Variants in KIF24 observed in about 807,000 individuals in gnomAD.
KIF24 encodes kinesin family member 24.
Under a neutral mutation model 118.9 loss-of-function variants are expected in KIF24, and 81 were observed. The observed-to-expected ratio is 0.68, with a 90% confidence interval of 0.57 to 0.82. The LOEUF (loss-of-function observed/expected upper bound fraction) is 0.82, where lower values mean the gene tolerates loss of function less well. KIF24 is among the 40% of genes least tolerant of loss of function. KIF24 has a pLI of 0.00. For synonymous variants in KIF24, 599 were observed against 610.0 expected (o/e 0.98, Z 0.27); for missense variants, 1,560 against 1,661.6 (o/e 0.94, Z 1.06).
Position 34,290,368 on chromosome 9 carries a change from A to G in KIF24, c.933T>C (p.Ala311=), listed in dbSNP as rs759929355. The G allele has an allele frequency of 8.1e-6, 13 of 1,610,558 alleles. No homozygotes were observed. The highest frequency in any genetic ancestry group is 1.0e-5 in the Non-Finnish European group (12 of 1,176,996). The change falls in exon 5 of 13, where the codon GCT becomes GCC. Residue 311 remains alanine, a synonymous_variant. Coordinates refer to ENST00000402558, the MANE Select transcript of KIF24 (RefSeq NM_194313.4). ...IFNGGNATCF[A]YGQTGAGKTY... is the part of the protein sequence containing the mutation. ...TCTTTCCAGCACCTGTCTGTCCATA[A>G]GCAAAGCAAGTGGCATTGCCTCTGG...
Position 34,318,633 on chromosome 9 carries a change from C to A in KIF24, c.-25-7262G>T. 1 of 1,530,140 alleles carries A rather than the reference C, an allele frequency of 6.5e-7. No homozygotes were observed. 94.8% of individuals were successfully genotyped at this position (1,530,140 alleles called of 1,614,324 possible). ...GTGTCGCCCGTGGTGGTGGCCTCGT[C>A]GTTGGGGCTCGTGTCGCTGGGCGGC... On this transcript the variant is annotated intron_variant, in intron 1 of 12. Transcript: ENST00000402558. The surrounding 1 kb of genome is among the most constrained non-coding windows in gnomAD (Gnocchi z 4.9).
chr9:34,327,276 A>G (rs1459499892), intron 1 of KIF24, among the ~76,000 whole-genome samples: 1 of 152,128 alleles, frequency 6.6e-6, no homozygotes, highest in African/African-American at 2.4e-5. Context: ...AAACTGGATT[A>G]ATATATCAGG....
chr9:34,286,764 C>T (rs1375754286), intron 5 of KIF24, 60 bp from the exon 6 acceptor site: 2 of 1,163,458 alleles, frequency 1.7e-6, no homozygotes. Flanking sequence ...TTGTTCTTGC[C>T]TCCCCAGAAA....
chr9:34,262,668 A>T lies in KIF24; in HGVS notation c.1515+433T>A, dbSNP rs1460568232. On this transcript the variant is annotated intron_variant, in intron 9 of 12. Transcript: ENST00000402558. The stretch of plus-strand genomic sequence containing the variant: ...CCAAAAAAAAAAAAAAAAAAAAAAA[A>T]AAAAAAAATATATATATATATATAT... 9.1e-3 allele frequency among the ~76,000 whole-genome samples: 443 copies of T among 48,886 alleles called. 15 individuals are homozygous for T. The highest frequency in any genetic ancestry group is 0.019 in the Middle Eastern group (2 of 104). The allele number at this position is 48,886 out of a possible 152,430, so 32.1% of individuals were successfully genotyped here. A position where few individuals can be genotyped will look rare whatever the true frequency, so the allele number is the denominator to read the frequency against.
chr9:34,322,897 A>G (rs573938023), intron 1 of KIF24, among the ~76,000 whole-genome samples: 2 of 152,176 alleles, frequency 1.3e-5, no homozygotes, highest in Non-Finnish European at 2.9e-5. Context: ...GAAAATCAGC[A>G]TTTTCAATCA....
intron 5 of KIF24, among the ~76,000 whole-genome samples, chr9:34,289,497 T>A (rs986122264): frequency 1.3e-5 from 2 of 152,190 alleles, no homozygotes; most frequent in African/African-American, 4.8e-5. Flanking sequence ...CAGCCTTTAA[T>A]CCTTCCACCT....
intron 1 of KIF24, among the ~76,000 whole-genome samples, chr9:34,326,289 C>T (rs1837670124): frequency 6.6e-6 from 1 of 152,056 alleles, no homozygotes; most frequent in African/African-American, 2.4e-5. Context: ...GAGTCAGAGG[C>T]TACAGTGAGC....
intron 10 of KIF24, 110 bp downstream of exon 10, chr9:34,259,486 T>C (rs1834974507): frequency 9.1e-6 from 7 of 768,888 alleles, no homozygotes; most frequent in Non-Finnish European, 1.3e-5. Context: ...GGGAGAGACA[T>C]GTGCATGCAC....
At chr9:34,268,215 G>A (rs1214849493) in intron 8 of KIF24, among the ~76,000 whole-genome samples, 1 of 151,604 alleles carries the variant, frequency 6.6e-6, no homozygotes, top group Non-Finnish European at 1.5e-5. Context: ...CCAGGCTGGA[G>A]TGCAGTGGCA....
intron 6 of KIF24, among the ~76,000 whole-genome samples, chr9:34,283,502 T>G (rs1835930987): frequency 6.6e-6 from 1 of 152,160 alleles, no homozygotes; most frequent in Non-Finnish European, 1.5e-5. Flanking sequence ...TGAACTACAT[T>G]TTAATTTAAA....
chr9:34,256,436 C>T lies in KIF24; in HGVS notation c.3171G>A (p.Leu1057=). The T allele has an allele frequency of 6.2e-7, 1 of 1,613,852 alleles. No individual in the cohort carries two copies. The highest frequency in any genetic ancestry group is 8.5e-7 in the Non-Finnish European group (1 of 1,179,864). ...GAGACCCTTCGTTGTCTGGGTTCTC[C>T]AGGAGGGACATGGTGAGGGGAGACA... is the stretch of plus-strand genomic sequence containing the variant. The part of the protein sequence containing the change: ...GLMSPLTMSL[L]ENPDNEGSPP... Residue 1057 remains leucine (L), a synonymous_variant, in exon 11 of 13, where the codon CTG becomes CTA. Coordinates refer to ENST00000402558, the MANE Select transcript of KIF24 (RefSeq NM_194313.4).
At chr9:34,285,274 G>A (rs1835994321) in intron 6 of KIF24, among the ~76,000 whole-genome samples, 1 of 152,166 alleles carries the variant, frequency 6.6e-6, no homozygotes, top group Admixed American at 6.5e-5. Context: ...GGAAATGGAA[G>A]TGGGTATTTT....
At chr9:34,258,797 G>C (rs553919621) in intron 10 of KIF24, among the ~76,000 whole-genome samples, 1 of 152,308 alleles carries the variant, frequency 6.6e-6, no homozygotes, top group Non-Finnish European at 1.5e-5. Flanking sequence ...GAAATACACA[G>C]GCTTGTGCTC....
At chr9:34,305,844 G>A (rs1836893915) in intron 3 of KIF24, among the ~76,000 whole-genome samples, 1 of 152,142 alleles carries the variant, frequency 6.6e-6, no homozygotes, top group Non-Finnish European at 1.5e-5. Context: ...GGGCTCAAGT[G>A]ATCCTCCCAC....
chr9:34,295,906 T>C (rs1300496065), intron 4 of KIF24, among the ~76,000 whole-genome samples: 1 of 152,036 alleles, frequency 6.6e-6, no homozygotes, highest in Non-Finnish European at 1.5e-5. Flanking sequence ...TCAACGTTTA[T>C]TAAGTGTGAA....
At chr9:34,290,810 A>C (rs1271984115) in intron 4 of KIF24, among the ~76,000 whole-genome samples, 1 of 151,988 alleles carries the variant, frequency 6.6e-6, no homozygotes, top group African/African-American at 2.4e-5. Context: ...ATGTTGGCCA[A>C]GCTCGTCTCG....
intron 6 of KIF24, among the ~76,000 whole-genome samples, chr9:34,272,134 C>T (rs548218967): frequency 6.6e-6 from 1 of 152,158 alleles, no homozygotes; most frequent in African/African-American, 2.4e-5. Context: ...AAATACTAAT[C>T]CTGTGGAAGA....
At chr9:34,314,952 A>C (rs1348460195) in intron 1 of KIF24, among the ~76,000 whole-genome samples, 2 of 152,210 alleles carry the variant, frequency 1.3e-5, no homozygotes, top group Non-Finnish European at 2.9e-5. Flanking sequence ...ATCTATAATA[A>C]ATCTATATCT....
intron 10 of KIF24, among the ~76,000 whole-genome samples, chr9:34,259,071 G>A (rs575938073): frequency 1.3e-5 from 2 of 152,302 alleles, no homozygotes; most frequent in African/African-American, 4.8e-5. Flanking sequence ...TGGCCAGGCA[G>A]TCAAGAGTTG....
Sources: gnomAD v4.1 joint callset for allele counts (sites outside exome capture counted in the v4.1 genomes callset) on GRCh38, gnomAD v4.1.1 for gene constraint, Gnocchi (gnomAD v3.1) non-coding constraint, MANE v1.5 for transcripts, NCBI Gene and HGNC (gene_info 2026-07-23, HGNC 2026-07-21) for gene names.